The following ZAP70 variants were observed in gnomAD, a reference collection of about 807,000 sequenced individuals.
ZAP70 encodes tyrosine-protein kinase ZAP-70.
In ZAP70, 27 loss-of-function variants were observed where a neutral mutation model predicts 65.8. The ratio of observed to expected loss-of-function variants is 0.41; its 90% CI spans 0.30 to 0.57. ZAP70 has a LOEUF of 0.57. ZAP70 is among the 20% of genes least tolerant of loss of function. ZAP70 has a pLI of 0.28. For missense variants in ZAP70, 696 were observed against 870.5 expected (o/e 0.80, Z 2.52); for synonymous variants, 363 against 360.8 (o/e 1.01, Z -0.07).
At chr2:97,732,665 G>C in intron 4 of ZAP70, 1 of 647,682 alleles carries the variant, frequency 1.5e-6, no homozygotes, top group East Asian at 2.8e-5. Flanking sequence ...GCATTTTCCT[G>C]GGAACACAGC....
At chr2:97,735,133 C>A in intron 9 of ZAP70, 117 bp from the exon 10 acceptor site, 1 of 1,291,382 alleles carries the variant, frequency 7.7e-7, no homozygotes. Flanking sequence ...GCCTGGGTGG[C>A]GACTACAGTT....
chr2:97,715,946 C>T lies in ZAP70; in HGVS notation c.-22+1952C>T, dbSNP rs1676892871. ...AACAAGACAGAGCCGTGGGCCCTGC[C>T]TCGGGGAGCTCAGCCTGGTGAGGGA... On this transcript the variant is annotated intron_variant, in intron 2 of 13. Transcript: ENST00000264972. The surrounding 1 kb of genome is among the most constrained non-coding windows in gnomAD (Gnocchi z 4.1). 6.6e-6 allele frequency among the ~76,000 whole-genome samples: 1 copy of T among 152,118 alleles called. No individual in the cohort carries two copies. Among genetic ancestry groups the T allele is most frequent in the African/African-American group, 2.4e-5 (1 of 41,414 alleles).
Position 97,734,529 on chromosome 2 carries a change from C to T in ZAP70, c.899C>T (p.Thr300Met), listed in dbSNP as rs769350009. Residue 300 changes from threonine to methionine, a missense_variant, in exon 9 of 14, where the codon ACG becomes ATG. Coordinates refer to ENST00000264972, the MANE Select transcript of ZAP70 (RefSeq NM_001079.4). ...CGCTGTGTGTGCCCAGCACGCATAACGTCCCCAGACAAACCGCGGCCGATG... is the reference window on the plus strand; with the variant it reads ...CGCTGTGTGTGCCCAGCACGCATAATGTCCCCAGACAAACCGCGGCCGATG... ...DGYTPEPARI[T>M]SPDKPRPMPM... 1.9e-6 allele frequency: 3 copies of T among 1,613,680 alleles called. No homozygotes were observed. The highest frequency in any genetic ancestry group is 2.2e-5 in the South Asian group (2 of 91,080).
At chr2:97,717,481 T>A (rs1409404679) in intron 2 of ZAP70, among the ~76,000 whole-genome samples, 2 of 141,220 alleles carry the variant, frequency 1.4e-5, no homozygotes, top group African/African-American at 5.3e-5. Flanking sequence ...AGCCTCTGGC[T>A]GGGGGGACAC....
At chr2:97,729,899 G>A (rs1677533650) in intron 4 of ZAP70, among the ~76,000 whole-genome samples, 1 of 152,150 alleles carries the variant, frequency 6.6e-6, no homozygotes, top group Non-Finnish European at 1.5e-5. Flanking sequence ...ACAATGTGCT[G>A]TATTCATACC....
chr2:97,724,247 A>G lies in ZAP70; in HGVS notation c.211A>G (p.Ile71Val). Residue 71 changes from isoleucine to valine, a missense_variant, in exon 3 of 14, where the codon ATT (isoleucine) becomes GTT (valine). Ile to Val is a conservative substitution (Grantham distance 29, BLOSUM62 3). This residue lies in a region of ZAP70 where 551 missense variants were observed against 630.0 expected (regional missense o/e 0.87). Transcript: ENST00000264972. Reference sequence around the variant, plus strand: ...GCGCCAGCTCAACGGCACCTACGCCATTGCCGGCGGCAAAGCGCACTGTGG... The same window carrying G: ...GCGCCAGCTCAACGGCACCTACGCCGTTGCCGGCGGCAAAGCGCACTGTGG... ...IERQLNGTYA[I>V]AGGKAHCGPA... 6.9e-6 allele frequency: 11 copies of G among 1,605,188 alleles called. No individual in the cohort carries two copies. Among genetic ancestry groups the G allele is most frequent in the Non-Finnish European group, 9.3e-6 (11 of 1,177,800 alleles).
chr2:97,734,367 G>C, intron 8 of ZAP70, 153 bp from the exon 9 acceptor site: 1 of 1,440,240 alleles, frequency 6.9e-7, no homozygotes, highest in Non-Finnish European at 9.1e-7. Context: ...GTGTGTGCGT[G>C]TGGATGTGCA....
chr2:97,746,741 C>T, the ZAP70 span, among the ~76,000 whole-genome samples: 2 of 152,172 alleles, frequency 1.3e-5, no homozygotes, highest in African/African-American at 2.4e-5. Context: ...GACTTCATGA[C>T]ATTGAAACTC....
At chr2:97,741,435 C>G (rs570217184), downstream of ZAP70, among the ~76,000 whole-genome samples, 1 of 151,874 alleles carries the variant, frequency 6.6e-6, no homozygotes, top group African/African-American at 2.4e-5. Flanking sequence ...CTCCCCGTCC[C>G]CCGGGGTGAT....
the ZAP70 span, among the ~76,000 whole-genome samples, chr2:97,749,732 C>CT: frequency 2.0e-5 from 3 of 152,224 alleles, no homozygotes; most frequent in African/African-American, 7.2e-5. Context: ...AATCCAGTCC[C>CT]TCTAAGAACC....
intron 2 of ZAP70, among the ~76,000 whole-genome samples, chr2:97,716,617 A>G (rs1676924355): frequency 6.6e-6 from 1 of 152,188 alleles, no homozygotes; most frequent in East Asian, 1.9e-4. Flanking sequence ...CAGAGGGAAC[A>G]GACAGTACAA....
At chr2:97,755,205 G>A in the ZAP70 span, among the ~76,000 whole-genome samples, 6 of 152,190 alleles carry the variant, frequency 3.9e-5, no homozygotes, top group South Asian at 4.2e-4. Flanking sequence ...ACCGAGACTC[G>A]CCTCGTGTCT....
intron 4 of ZAP70, among the ~76,000 whole-genome samples, chr2:97,726,039 G>A (rs2104667953): frequency 6.6e-6 from 1 of 152,236 alleles, no homozygotes; most frequent in Non-Finnish European, 1.5e-5. Flanking sequence ...CCCTCTAACT[G>A]TCCTGTGGTT....
At position 97,724,300 on chromosome 2, in the gene ZAP70, G is replaced by A. The variant is rs1677284787; in HGVS notation, c.264G>A (p.Ser88=). The A allele has an allele frequency of 3.8e-6, 6 of 1,592,124 alleles. No individual in the cohort carries two copies. The highest frequency in any genetic ancestry group is 4.3e-6 in the Non-Finnish European group (5 of 1,170,954). The part of the protein sequence containing the change: ...CGPAELCEFY[S]RDPDGLPCNL... ...CGGCAGAGCTCTGCGAGTTCTACTC[G>A]CGCGACCCCGACGGGCTGCCCTGCA... Residue 88 remains serine, a synonymous_variant, in exon 3 of 14, where the codon TCG becomes TCA. Transcript: ENST00000264972.
the ZAP70 span, chr2:97,756,327 A>T: frequency 1.4e-4 from 21 of 152,236 alleles, no homozygotes; most frequent in Non-Finnish European, 2.9e-4. Context: ...AAAAACCACA[A>T]AACAAGGCTT....
chr2:97,723,981 C>G, intron 2 of ZAP70, 35 bp from the exon 3 acceptor site: 1 of 1,534,008 alleles, frequency 6.5e-7, no homozygotes, highest in East Asian at 2.4e-5. Context: ...TTCAGGAAGG[C>G]CCTGACGTGC....
chr2:97,733,341 C>T lies in ZAP70; in HGVS notation c.835C>T (p.His279Tyr), dbSNP rs201776628. ...TLPAHPSTLTHPQRRIDTLNS... is the reference protein window; with the variant it reads ...TLPAHPSTLTYPQRRIDTLNS... Reference sequence around the variant, plus strand: ...CCCAGCCCACCCATCCACGTTGACTCATGTGAGTTGGGGGCACCTGGAGTG... The same window carrying T: ...CCCAGCCCACCCATCCACGTTGACTTATGTGAGTTGGGGGCACCTGGAGTG... The change falls in exon 7 of 14, where the codon CAT (histidine) becomes TAT (tyrosine). Residue 279 changes from histidine to tyrosine, a missense_variant and splice_region_variant. Coordinates refer to ENST00000264972, the MANE Select transcript of ZAP70 (RefSeq NM_001079.4). 129 of 1,594,294 alleles carry T rather than the reference C, an allele frequency of 8.1e-5. No homozygotes were observed. The highest frequency in any genetic ancestry group is 1.0e-4 in the Non-Finnish European group (122 of 1,168,970).
At chr2:97,749,399 CA>C in the ZAP70 span, among the ~76,000 whole-genome samples, 1 of 152,112 alleles carries the variant, frequency 6.6e-6, no homozygotes, top group Admixed American at 6.6e-5. Flanking sequence ...GTGCTTTTCC[CA>C]AAAGGACGTT....
At chr2:97,733,486 T>G (rs769875156) in intron 7 of ZAP70, 58 bp from the exon 8 acceptor site, 1 of 1,610,898 alleles carries the variant, frequency 6.2e-7, no homozygotes, top group Admixed American at 1.7e-5. Flanking sequence ...TGGATATAGG[T>G]CTCATGAGAG....
Sources: allele counts gnomAD v4.1 joint callset (sites outside exome capture counted in the v4.1 genomes callset), GRCh38; gene constraint gnomAD v4.1.1; regional missense constraint gnomAD v4.1.1; non-coding constraint Gnocchi (gnomAD v3.1); transcripts MANE v1.5; gene names NCBI Gene and HGNC (gene_info 2026-07-23, HGNC 2026-07-21).